The following POGZ variants were observed in gnomAD, a reference collection of about 807,000 sequenced individuals.
POGZ encodes the protein pogo transposable element derived with ZNF domain.
In POGZ, 17 loss-of-function variants were observed where a neutral mutation model predicts 134.6. The ratio of observed to expected loss-of-function variants is 0.13; its 90% CI spans 0.09 to 0.19. The LOEUF (loss-of-function observed/expected upper bound fraction) is 0.19. Among genes scored for constraint, POGZ ranks in the 10% least tolerant of loss-of-function variants. The pLI is 1.00. For missense variants in POGZ, 1,306 were observed against 1,769.7 expected (o/e 0.74, Z 4.70); for synonymous variants, 693 against 657.1 (o/e 1.05, Z -0.84).
chr1:151,423,938 T>C lies in POGZ; in HGVS notation c.1523+11A>G. The stretch of plus-strand genomic sequence containing the variant: ...TGTTCAAGGTAACTTCCAAGGCTCT[T>C]AAACACTTACCGAATATTGTTTTTT... On this transcript the variant is annotated intron_variant, in intron 9 of 18. Coordinates refer to ENST00000271715, the MANE Select transcript of POGZ (RefSeq NM_015100.4). The C allele has an allele frequency of 6.2e-7, 1 of 1,603,108 alleles. No individual in the cohort carries two copies. The highest frequency in any genetic ancestry group is 1.1e-5 in the South Asian group (1 of 90,438).
intron 1 of POGZ, chr1:151,455,237 A>G (rs1168957197): frequency 6.6e-6 from 1 of 152,236 alleles, no homozygotes; most frequent in Non-Finnish European, 1.5e-5. Context: ...ATTTGTAATC[A>G]ACCAGCTCTA....
chr1:151,429,124 TAAAAAAA>T (rs79814829), intron 5 of POGZ, among the ~76,000 whole-genome samples: 5 of 143,500 alleles, frequency 3.5e-5, no homozygotes, highest in Admixed American at 1.4e-4. Flanking sequence ...CTCAGAATCT[TAAAAAAA>T]AAAAAAACTA....
At chr1:151,429,124 TA>T (rs79814829) in intron 5 of POGZ, among the ~76,000 whole-genome samples, 94,466 of 143,456 alleles carry the variant, frequency 0.66, 32,753 homozygotes, top group Non-Finnish European at 0.8. Context: ...CTCAGAATCT[TA>T]AAAAAAAAAA....
At chr1:151,427,677 T>C in intron 7 of POGZ, 146 bp downstream of exon 7, 2 of 620,572 alleles carry the variant, frequency 3.2e-6, no homozygotes, top group South Asian at 4.1e-5. Flanking sequence ...AGTGGCTTTC[T>C]CCTTACTAAA....
At chr1:151,427,570 C>G (rs1657983298) in intron 7 of POGZ, 2 of 428,270 alleles carry the variant, frequency 4.7e-6, no homozygotes, top group Non-Finnish European at 4.3e-6. Flanking sequence ...AGTTATCTTT[C>G]ATTATCTCAC....
chr1:151,449,287 G>A (rs1023711407), intron 1 of POGZ, among the ~76,000 whole-genome samples: 2 of 152,210 alleles, frequency 1.3e-5, no homozygotes, highest in Non-Finnish European at 2.9e-5. Flanking sequence ...CTTCATAAGT[G>A]ACAGTGAATT....
chr1:151,430,516 A>T lies in POGZ; in HGVS notation c.459+150T>A, dbSNP rs1658514733. On this transcript the variant is annotated intron_variant, in intron 4 of 18. Transcript: ENST00000271715. ...CTATGCTGGGCTTTCCACAGTTGGC[A>T]TCAAATTACAGAACAGTAAAAGAGA... 8.5e-6 allele frequency: 5 copies of T among 587,288 alleles called. No individual in the cohort carries two copies. The Admixed American group carries it at 1.4e-4, about 17-fold the overall frequency. 36.4% of individuals were successfully genotyped at this position (587,288 alleles called of 1,614,324 possible).
At chr1:151,432,051 T>A (rs184157326) in intron 3 of POGZ, among the ~76,000 whole-genome samples, 2 of 152,012 alleles carry the variant, frequency 1.3e-5, no homozygotes, top group African/African-American at 2.4e-5. Context: ...TCCCTGTAAT[T>A]CCAGCTACTT....
Position 151,407,197 on chromosome 1 carries a change from C to T in POGZ, c.2432+38G>A, listed in dbSNP as rs776209199. On this transcript the variant is annotated intron_variant, in intron 16 of 18. Transcript: ENST00000271715. The stretch of plus-strand genomic sequence containing the variant: ...AAAACCTGAAAATTAATGTAAAAAC[C>T]TGAAAAATTAAGATGCTGCCAATAA... The T allele has an allele frequency of 2.0e-6, 3 of 1,477,050 alleles. No individual in the cohort carries two copies. In the South Asian group the frequency reaches 3.6e-5, roughly 18 times the overall value. 91.5% of individuals were successfully genotyped at this position (1,477,050 alleles called of 1,614,324 possible).
chr1:151,421,084 A>G (rs899072716), intron 10 of POGZ, among the ~76,000 whole-genome samples: 16 of 151,288 alleles, frequency 1.1e-4, no homozygotes, highest in Admixed American at 3.3e-4. Context: ...AAGGATAATT[A>G]TAACAATATA....
intron 1 of POGZ, among the ~76,000 whole-genome samples, chr1:151,452,379 G>A (rs1385791148): frequency 6.6e-6 from 1 of 151,716 alleles, no homozygotes; most frequent in East Asian, 1.9e-4. Flanking sequence ...GAGACAGGGT[G>A]TCATTCTATC....
intron 4 of POGZ, among the ~76,000 whole-genome samples, 191 bp downstream of exon 4, chr1:151,430,475 A>G (rs575379108): frequency 1.3e-4 from 20 of 152,326 alleles, no homozygotes; most frequent in Middle Eastern, 6.8e-3. Flanking sequence ...TTTAAAGAAG[A>G]TATTACCCAG....
At chr1:151,414,499 T>C (rs1308668254) in intron 10 of POGZ, among the ~76,000 whole-genome samples, 1 of 152,240 alleles carries the variant, frequency 6.6e-6, no homozygotes, top group East Asian at 1.9e-4. Flanking sequence ...TTTACATGTG[T>C]TGGCTGGGCA....
At chr1:151,456,413 C>A (rs1662777495) in intron 1 of POGZ, among the ~76,000 whole-genome samples, 1 of 152,162 alleles carries the variant, frequency 6.6e-6, no homozygotes, top group African/African-American at 2.4e-5. Flanking sequence ...CTAAAAGTGA[C>A]AAGCTCACTT....
At chr1:151,445,522 C>CAAAAAAAA (rs201269208) in intron 1 of POGZ, among the ~76,000 whole-genome samples, 1 of 52,714 alleles carries the variant, frequency 1.9e-5, no homozygotes, top group African/African-American at 5.9e-5. Context: ...GACTCTGTCT[C>CAAAAAAAA]AAAAAAAAAA....
intron 3 of POGZ, among the ~76,000 whole-genome samples, chr1:151,440,001 T>A (rs979812620): frequency 3.9e-5 from 6 of 152,162 alleles, no homozygotes; most frequent in Non-Finnish European, 8.8e-5. Context: ...AATAAGATAT[T>A]CACTATTAAG....
chr1:151,428,067 T>C, intron 6 of POGZ, 26 bp from the exon 7 acceptor site: 1 of 1,613,308 alleles, frequency 6.2e-7, no homozygotes, highest in Non-Finnish European at 8.5e-7. Flanking sequence ...GATAATCATC[T>C]GTTCTCCACC....
At chr1:151,457,679 C>T (rs931130386) in intron 1 of POGZ, among the ~76,000 whole-genome samples, 4 of 152,184 alleles carry the variant, frequency 2.6e-5, no homozygotes, top group Non-Finnish European at 5.9e-5. Flanking sequence ...GTAATCCCAG[C>T]ACTTTGGGAG....
intron 1 of POGZ, among the ~76,000 whole-genome samples, chr1:151,446,274 A>AAAAAG (rs139456031): frequency 1.0e-4 from 13 of 126,240 alleles, no homozygotes; most frequent in South Asian, 2.5e-4. Flanking sequence ...AAAAAAAAAA[A>AAAAAG]CGAATTTTAT....
Sources: allele counts gnomAD v4.1 joint callset (sites outside exome capture counted in the v4.1 genomes callset), GRCh38; gene constraint gnomAD v4.1.1; transcripts MANE v1.5; gene names NCBI Gene and HGNC (gene_info 2026-07-23, HGNC 2026-07-21).